Variants in EZH2 observed in about 807,000 individuals in gnomAD.
The protein encoded by EZH2 is enhancer of zeste 2 polycomb repressive complex 2 subunit.
A neutral mutation model predicts 98.4 loss-of-function variants in EZH2; 18 were observed. The ratio of observed to expected loss-of-function variants is 0.18; its 90% CI spans 0.13 to 0.27. EZH2 has a LOEUF of 0.27. EZH2 is among the 10% of genes least tolerant of loss of function. EZH2 has a pLI of 1.00. For synonymous variants in EZH2, 338 were observed against 312.3 expected (o/e 1.08, Z -0.87); for missense variants, 470 against 935.1 (o/e 0.50, Z 6.49).
chr7:148,831,891 C>T (rs1464644226), intron 4 of EZH2, among the ~76,000 whole-genome samples: 1 of 152,226 alleles, frequency 6.6e-6, no homozygotes, highest in Non-Finnish European at 1.5e-5. Context: ...ATTACAAAAG[C>T]TGCTGCGTCA....
At chr7:148,846,365 T>C in intron 3 of EZH2, 105 bp downstream of exon 3, 2 of 1,249,898 alleles carry the variant, frequency 1.6e-6, no homozygotes, top group Non-Finnish European at 2.2e-6. Flanking sequence ...AATAAAAAGA[T>C]GGACACCCTG....
intron 1 of EZH2, among the ~76,000 whole-genome samples, chr7:148,863,083 CAA>C (rs11295626): frequency 1.9e-3 from 228 of 117,360 alleles, no homozygotes; most frequent in Middle Eastern, 4.1e-3. Flanking sequence ...GACCCTGTCT[CAA>C]AAAAAAAAAA....
intron 3 of EZH2, chr7:148,837,106 T>G: frequency 2.5e-6 from 1 of 400,280 alleles, no homozygotes; most frequent in Non-Finnish European, 4.9e-6. Flanking sequence ...CCCTGTGAGG[T>G]AGGTATGACT....
chr7:148,843,496 C>T (rs761585762), intron 3 of EZH2, among the ~76,000 whole-genome samples: 2 of 151,644 alleles, frequency 1.3e-5, no homozygotes, highest in African/African-American at 4.8e-5. Context: ...AACTTTTGTC[C>T]GACATTCTTT....
At chr7:148,827,839 G>A (rs1025178594) in intron 6 of EZH2, among the ~76,000 whole-genome samples, 13 of 152,120 alleles carry the variant, frequency 8.5e-5, no homozygotes, top group Admixed American at 7.9e-4. Context: ...TCTGACAGGT[G>A]GGGCGCAGTG....
intron 1 of EZH2, among the ~76,000 whole-genome samples, chr7:148,850,076 T>C (rs1197985153): frequency 6.6e-6 from 1 of 152,144 alleles, no homozygotes; most frequent in East Asian, 1.9e-4. Context: ...TGGAGTGCGG[T>C]GGTGCAATCT....
chr7:148,857,807 A>G (rs1817063108), intron 1 of EZH2, among the ~76,000 whole-genome samples: 1 of 152,040 alleles, frequency 6.6e-6, no homozygotes, highest in South Asian at 2.1e-4. Flanking sequence ...AAATAAAGTT[A>G]TTTGTTAAAG....
chr7:148,850,453 C>G, intron 1 of EZH2: 1 of 967,932 alleles, frequency 1.0e-6, no homozygotes, highest in African/African-American at 1.8e-5. Flanking sequence ...TAATAACATA[C>G]CTAATAAAGT....
chr7:148,859,695 A>C (rs1817389321), intron 1 of EZH2, among the ~76,000 whole-genome samples: 1 of 152,202 alleles, frequency 6.6e-6, no homozygotes, highest in African/African-American at 2.4e-5. Context: ...AGATCCCACC[A>C]ACCAACGGCA....
At chr7:148,824,937 G>C (rs771655860) in intron 8 of EZH2, among the ~76,000 whole-genome samples, 8 of 152,026 alleles carry the variant, frequency 5.3e-5, no homozygotes, top group Non-Finnish European at 1.2e-4. Flanking sequence ...CAGCTAGAAT[G>C]AGGTAAGTAA....
rs550117514 is a variant in EZH2, at chr7:148,862,505, G to T, written c.-7-15200C>A. The stretch of plus-strand genomic sequence containing the variant: ...ACAAATATGGTCAGTTGTTTTCCTT[G>T]AAGTGACAGTCTCACTTCATTGATT... On this transcript the variant is annotated intron_variant, in intron 1 of 19. Coordinates refer to ENST00000320356, the MANE Select transcript of EZH2 (RefSeq NM_004456.5). Among the ~76,000 whole-genome samples, 4 of 152,196 alleles carry T rather than the reference G, an allele frequency of 2.6e-5. No homozygotes were observed. The South Asian group carries it at 8.3e-4, about 32-fold the overall frequency.
Position 148,822,054 on chromosome 7 carries a change from G to C in EZH2, c.908-2367C>G, listed in dbSNP as rs537237821. Among the ~76,000 whole-genome samples the C allele has an allele frequency of 3.3e-5, 5 of 152,300 alleles. 1 individual carries two copies. The highest frequency in any genetic ancestry group is 4.4e-5 in the Non-Finnish European group (3 of 68,028). On this transcript the variant is annotated intron_variant, in intron 8 of 19. Coordinates refer to ENST00000320356, the MANE Select transcript of EZH2 (RefSeq NM_004456.5). ...GAAACAACTAGGCAACTTTGGAAGT[G>C]AGGAGGAGGATCAGATTTATAATCC...
rs763364256 is a variant in EZH2 at position 148,827,272 on chromosome 7, C to T, written c.626-6G>A. ...AGGTGGGCGGCTTTCTTTATCTAAA[C>T]AGGAGAATATGAAAGGAAAAAAAGA... is the stretch of plus-strand genomic sequence containing the variant. On this transcript the variant is annotated splice_region_variant and splice_polypyrimidine_tract_variant and intron_variant, in intron 6 of 19. Coordinates refer to ENST00000320356, the MANE Select transcript of EZH2 (RefSeq NM_004456.5). 1 of 1,603,872 alleles carries T rather than the reference C, an allele frequency of 6.2e-7. No homozygotes were observed. The highest frequency in any genetic ancestry group is 8.5e-7 in the Non-Finnish European group (1 of 1,174,092).
chr7:148,839,531 G>C (rs192342240), intron 3 of EZH2, among the ~76,000 whole-genome samples: 245 of 151,090 alleles, frequency 1.6e-3, no homozygotes, highest in African/African-American at 5.7e-3. Context: ...TCAAAATGGG[G>C]GGGGGGCAAT....
At chr7:148,813,633 T>TA (rs1370427106) in intron 15 of EZH2, among the ~76,000 whole-genome samples, 1 of 149,944 alleles carries the variant, frequency 6.7e-6, no homozygotes, top group Admixed American at 6.6e-5. Context: ...GGATACTAGA[T>TA]AAACTATTAA....
intron 1 of EZH2, among the ~76,000 whole-genome samples, chr7:148,868,636 G>C (rs758928472): frequency 6.6e-6 from 1 of 152,162 alleles, no homozygotes; most frequent in Non-Finnish European, 1.5e-5. Context: ...GGGAAAAGAA[G>C]AAAATGAGAG....
intron 1 of EZH2, among the ~76,000 whole-genome samples, chr7:148,869,271 G>GT (rs1409179653): frequency 2.6e-5 from 4 of 151,174 alleles, no homozygotes; most frequent in Non-Finnish European, 5.9e-5. Context: ...TTTGACCTGG[G>GT]TAACAGAAAC....
At chr7:148,834,863 T>C (rs1404246109) in intron 3 of EZH2, among the ~76,000 whole-genome samples, 1 of 152,202 alleles carries the variant, frequency 6.6e-6, no homozygotes, top group Non-Finnish European at 1.5e-5. Context: ...AGTGCTTGTA[T>C]ATATTATCTT....
chr7:148,827,807 A>G (rs962373705), intron 6 of EZH2, among the ~76,000 whole-genome samples: 1 of 152,302 alleles, frequency 6.6e-6, no homozygotes, highest in African/African-American at 2.4e-5. Flanking sequence ...CTCTAAATCT[A>G]TCCCCTCAAA....
Sources: allele counts gnomAD v4.1 joint callset (sites outside exome capture counted in the v4.1 genomes callset), GRCh38; gene constraint gnomAD v4.1.1; transcripts MANE v1.5; gene names NCBI Gene and HGNC (gene_info 2026-07-23, HGNC 2026-07-21).